The following TMLHE variants were observed in gnomAD, a reference collection of about 807,000 sequenced individuals.
The protein encoded by TMLHE is trimethyllysine hydroxylase, epsilon.
In TMLHE, 18 loss-of-function variants were observed where a neutral mutation model predicts 25.7. The ratio of observed to expected loss-of-function variants is 0.70; its 90% CI spans 0.48 to 1.04. TMLHE has a LOEUF of 1.04. TMLHE is among the 50% of genes least tolerant of loss of function. The pLI is 0.00. For synonymous variants in TMLHE, 105 were observed against 97.0 expected, an observed-to-expected ratio of 1.08 and a Z score of -0.49; for missense variants, 236 against 259.0, an observed-to-expected ratio of 0.91 and a Z score of 0.61.
chrX:155,587,593 A>G (rs2067672682), intron 1 of TMLHE, among the ~76,000 whole-genome samples: 1 of 111,587 alleles, frequency 9.0e-6, no homozygotes, highest in Non-Finnish European at 1.9e-5. Context: ...TGCTGATGAT[A>G]TGATCTTATA....
At chrX:155,604,672 G>A (rs1453120797) in intron 1 of TMLHE, among the ~76,000 whole-genome samples, 2 of 111,325 alleles carry the variant, frequency 1.8e-5, no homozygotes, top group East Asian at 5.6e-4. Flanking sequence ...CACCCTCAGA[G>A]CACCAAGAGG....
intron 1 of TMLHE, among the ~76,000 whole-genome samples, chrX:155,590,312 G>A (rs1172883768): frequency 8.9e-6 from 1 of 111,889 alleles, no homozygotes; most frequent in Non-Finnish European, 1.9e-5. Context: ...CAAAATATGT[G>A]TGGATAAAAT....
chrX:155,516,823 G>T (rs1364934444), intron 3 of TMLHE, among the ~76,000 whole-genome samples: 1 of 57,803 alleles, frequency 1.7e-5, no homozygotes, highest in African/African-American at 5.7e-5. Flanking sequence ...CTTCTTTTGA[G>T]AAGTGTCTGT....
intron 1 of TMLHE, among the ~76,000 whole-genome samples, chrX:155,583,258 A>G (rs939686436): frequency 2.7e-5 from 3 of 111,777 alleles, no homozygotes; most frequent in Non-Finnish European, 5.6e-5. Flanking sequence ...CCAACATGGC[A>G]CATGTATACA....
intron 3 of TMLHE, among the ~76,000 whole-genome samples, chrX:155,522,463 C>T (rs1223605438): frequency 1.8e-5 from 2 of 112,039 alleles, no homozygotes; most frequent in East Asian, 5.6e-4. Context: ...AGTGTAATTA[C>T]ATGTGTAACT....
chrX:155,527,591 AC>A (rs1440504566), intron 2 of TMLHE, among the ~76,000 whole-genome samples: 3 of 112,390 alleles, frequency 2.7e-5, no homozygotes, highest in East Asian at 2.8e-4. Flanking sequence ...TACAAAAAAA[AC>A]AAAGACTTTC....
intron 1 of TMLHE, among the ~76,000 whole-genome samples, chrX:155,558,936 T>C (rs2067476689): frequency 8.9e-6 from 1 of 111,760 alleles, no homozygotes; most frequent in African/African-American, 3.2e-5. Context: ...CAGGTTTGTG[T>C]TGAATGGCTT....
At position 155,582,234 on chromosome X, in the gene TMLHE, T is replaced by C. The variant is rs1180529412; in HGVS notation, c.-2+30558A>G. 2.7e-5 allele frequency among the ~76,000 whole-genome samples: 3 copies of C among 111,959 alleles called. No homozygotes were observed. The Admixed American group carries it at 2.8e-4, about 11-fold the overall frequency. On this transcript the variant is annotated intron_variant, in intron 1 of 7. Coordinates refer to ENST00000334398, the MANE Select transcript of TMLHE (RefSeq NM_018196.4). ...ACCACAAAAACCCTAGAAGAAAACC[T>C]AGGCAATACCATTCAGGACATAGGC...
intron 3 of TMLHE, chrX:155,524,248 A>C (rs2067205804): frequency 3.2e-6 from 1 of 310,927 alleles, no homozygotes; most frequent in Non-Finnish European, 5.5e-6. Flanking sequence ...GGAAAGCATT[A>C]AGTCTCACTA....
intron 1 of TMLHE, among the ~76,000 whole-genome samples, chrX:155,562,511 C>T (rs1222986162): frequency 6.4e-5 from 4 of 62,228 alleles, no homozygotes; most frequent in African/African-American, 1.4e-4. Context: ...TTTGGCTTCT[C>T]TTTACTTATG....
chrX:155,600,170 C>T lies in TMLHE; in HGVS notation c.-2+12622G>A, dbSNP rs190609394. On this transcript the variant is annotated intron_variant, in intron 1 of 7. Transcript: ENST00000334398. ...TATTTTCTTTTGTTCAGAAATTTAT[C>T]CAAAATAATTTTTTTAGAAAATCAT... 2.7e-5 allele frequency among the ~76,000 whole-genome samples: 3 copies of T among 111,327 alleles called. No individual in the cohort carries two copies. In the East Asian group the frequency reaches 8.4e-4, roughly 31 times the overall value.
chrX:155,589,472 A>C (rs1330271465), intron 1 of TMLHE, among the ~76,000 whole-genome samples: 1 of 111,839 alleles, frequency 8.9e-6, no homozygotes, highest in Non-Finnish European at 1.9e-5. Flanking sequence ...AAAAACAATG[A>C]AATCATGTCA....
At chrX:155,574,709 A>T (rs1184594139) in intron 1 of TMLHE, among the ~76,000 whole-genome samples, 6 of 111,909 alleles carry the variant, frequency 5.4e-5, no homozygotes, top group Admixed American at 2.8e-4. Context: ...AATGAATTAA[A>T]GGAAATTAGG....
intron 3 of TMLHE, among the ~76,000 whole-genome samples, chrX:155,515,178 C>A (rs898507620): frequency 9.0e-6 from 1 of 110,838 alleles, no homozygotes; most frequent in Non-Finnish European, 1.9e-5. Flanking sequence ...TTTTTCTGTA[C>A]ATTCTCTTAT....
chrX:155,582,634 A>G (rs2067637621), intron 1 of TMLHE, among the ~76,000 whole-genome samples: 1 of 112,154 alleles, frequency 8.9e-6, no homozygotes, highest in African/African-American at 3.2e-5. Flanking sequence ...ACCATTTCAC[A>G]CCAGTTAGAA....
At position 155,538,382 on chromosome X, in the gene TMLHE, G is replaced by A. The variant is rs145991609; in HGVS notation, c.181+6714C>T. Among the ~76,000 whole-genome samples the A allele has an allele frequency of 4.7e-3, 521 of 111,632 alleles. 2 individuals carry two copies. Among genetic ancestry groups the A allele is most frequent in the African/African-American group, 0.016 (492 of 30,739 alleles). On this transcript the variant is annotated intron_variant, in intron 2 of 7. Coordinates refer to ENST00000334398, the MANE Select transcript of TMLHE (RefSeq NM_018196.4). Reference sequence around the variant, plus strand: ...TTCATCCACTCATCCATTGATGGACGCTTATGATGGAGAAAATTTTAAAAA... The same window carrying A: ...TTCATCCACTCATCCATTGATGGACACTTATGATGGAGAAAATTTTAAAAA...
At chrX:155,598,352 C>T (rs1443207576) in intron 1 of TMLHE, among the ~76,000 whole-genome samples, 1 of 109,622 alleles carries the variant, frequency 9.1e-6, no homozygotes, top group African/African-American at 3.3e-5. Flanking sequence ...CACATATACA[C>T]CATGGAATAC....
rs782759193 is a variant in TMLHE at position 155,593,137 on chromosome X, G to A, written c.-2+19655C>T. ...CCAAGCAGCAACTCTGCCTAATCTT[G>A]GAGACCAGCCTGCACCCCTGGCCCA... On this transcript the variant is annotated intron_variant, in intron 1 of 7. Coordinates refer to ENST00000334398, the MANE Select transcript of TMLHE (RefSeq NM_018196.4). 2.7e-5 allele frequency among the ~76,000 whole-genome samples: 3 copies of A among 111,640 alleles called. No individual in the cohort carries two copies. In the East Asian group the frequency reaches 8.4e-4, roughly 31 times the overall value.
At chrX:155,602,829 T>C (rs1477269980) in intron 1 of TMLHE, among the ~76,000 whole-genome samples, 3 of 112,369 alleles carry the variant, frequency 2.7e-5, no homozygotes, top group Non-Finnish European at 3.8e-5. Flanking sequence ...TAATTCACAA[T>C]AGTACCAAAA....
Sources: allele counts gnomAD v4.1 joint callset (sites outside exome capture counted in the v4.1 genomes callset), GRCh38; gene constraint gnomAD v4.1.1; transcripts MANE v1.5; gene names NCBI Gene and HGNC (gene_info 2026-07-23, HGNC 2026-07-21).